NTHL1: variants seen among roughly 807,000 people sequenced by gnomAD.
The protein encoded by NTHL1 is endonuclease III-like protein 1.
Under a neutral mutation model 32.3 loss-of-function variants are expected in NTHL1, and 32 were observed. The ratio of observed to expected loss-of-function variants is 0.99; its 90% CI spans 0.75 to 1.33. The LOEUF (loss-of-function observed/expected upper bound fraction) is 1.33. NTHL1 is among the 40% of genes most tolerant of loss of function. NTHL1 has a pLI of 0.00. For missense variants in NTHL1, 501 were observed against 414.1 expected (o/e 1.21, Z -1.82); for synonymous variants, 188 against 176.9 (o/e 1.06, Z -0.50).
At chr16:2,042,057 C>T (rs932854934) in intron 4 of NTHL1, 5 of 455,922 alleles carry the variant, frequency 1.1e-5, no homozygotes, top group Non-Finnish European at 2.2e-5. Context: ...CCAGCCAGCT[C>T]TGACATTTTA....
intron 1 of NTHL1, among the ~76,000 whole-genome samples, chr16:2,046,611 A>G (rs576526590): frequency 1.9e-4 from 29 of 152,254 alleles, no homozygotes; most frequent in Admixed American, 7.2e-4. Context: ...TGCCCCCAAT[A>G]CATCTTCTAT....
Position 2,044,578 on chromosome 16 carries a change from G to A in NTHL1, c.525+52C>T. ...TCGCCACCCCCCTCAGCCTTCTGAG[G>A]TCTCTCTCAGGCCACTGCCACCCGG... On this transcript the variant is annotated intron_variant, in intron 3 of 5. Coordinates refer to ENST00000651570, the MANE Select transcript of NTHL1 (RefSeq NM_002528.7). The surrounding 1 kb of genome is among the most constrained non-coding windows in gnomAD (Gnocchi z 5.0). 1 of 1,595,054 alleles carries A rather than the reference G, an allele frequency of 6.3e-7. No individual in the cohort carries two copies. Among genetic ancestry groups the A allele is most frequent in the Non-Finnish European group, 8.5e-7 (1 of 1,178,038 alleles).
chr16:2,039,824 AAC>A lies in NTHL1; in HGVS notation c.*98_*99del, dbSNP rs2084234010. 1 of 1,549,348 alleles carries A rather than the reference AAC, an allele frequency of 6.5e-7. No individual in the cohort carries two copies. Among genetic ancestry groups the A allele is most frequent in the Admixed American group, 1.7e-5 (1 of 59,106 alleles). On this transcript the variant is annotated 3_prime_UTR_variant, in exon 6 of 6. Coordinates refer to ENST00000651570, the MANE Select transcript of NTHL1 (RefSeq NM_002528.7). Reference sequence around the variant, plus strand: ...AGACATCAGCCAGATCCCATCTGCAAACACACCAAAGCTTTATTCAACAGGCG... The same window carrying A: ...AGACATCAGCCAGATCCCATCTGCAAACACCAAAGCTTTATTCAACAGGCG...
chr16:2,040,205 C>G lies in NTHL1; in HGVS notation c.719G>C (p.Arg240Thr), dbSNP rs763365969. ...VDTHVHRIAN[R>T]LRWTKKATKS... Reference sequence around the variant, plus strand: ...GGTTGCCTTCTTGGTCCACCTCAGCCTGTTGGCGATTCTGTGCACATGCGT... The same window carrying G: ...GGTTGCCTTCTTGGTCCACCTCAGCGTGTTGGCGATTCTGTGCACATGCGT... Residue 240 changes from arginine (R) to threonine (T), a missense_variant, in exon 5 of 6, where the codon AGG becomes ACG. By Grantham distance (71) the Arg-to-Thr change is moderately conservative (BLOSUM62 -1). Coordinates refer to ENST00000651570, the MANE Select transcript of NTHL1 (RefSeq NM_002528.7). 1.9e-6 allele frequency: 3 copies of G among 1,613,930 alleles called. No individual in the cohort carries two copies.
At position 2,047,692 on chromosome 16, in the gene NTHL1, C is replaced by T. The variant is rs377258199; in HGVS notation, c.115+17G>A. On this transcript the variant is annotated intron_variant, in intron 1 of 5. Transcript: ENST00000651570. The stretch of plus-strand genomic sequence containing the variant: ...TATCCCGCCTCCTCCCACGCTCCAG[C>T]CACGGCGCGGCGCTACCTGCTGCAG... The T allele has an allele frequency of 1.1e-4, 175 of 1,567,668 alleles. 1 individual carries two copies. The East Asian group carries it at 3.1e-3, about 28-fold the overall frequency.
Position 2,044,831 on chromosome 16 carries a change from C to T in NTHL1, c.355-31G>A, listed in dbSNP as rs1457488859. 3.2e-6 allele frequency: 5 copies of T among 1,557,470 alleles called. No individual in the cohort carries two copies. Among genetic ancestry groups the T allele is most frequent in the Admixed American group, 1.9e-5 (1 of 53,384 alleles). Reference sequence around the variant, plus strand: ...TGTGCAGTGACAGGGACCGGGGTGGCGGCGGGTCCTGGGTGATTCCCTGGC... The same window carrying T: ...TGTGCAGTGACAGGGACCGGGGTGGTGGCGGGTCCTGGGTGATTCCCTGGC... On this transcript the variant is annotated intron_variant, in intron 2 of 5. Transcript: ENST00000651570. The surrounding 1 kb of genome is among the most constrained non-coding windows in gnomAD (Gnocchi z 5.0).
chr16:2,046,456 C>T (rs1318037890), intron 1 of NTHL1, 90 bp from the exon 2 acceptor site: 10 of 1,183,120 alleles, frequency 8.5e-6, no homozygotes, highest in African/African-American at 4.5e-5. Context: ...ACCCCTCACT[C>T]GTTCATGCCA....
In NTHL1 at chr16:2,046,018, C is replaced by T. The variant is rs1233789897; in HGVS notation, c.354+110G>A. On this transcript the variant is annotated intron_variant, in intron 2 of 5. Transcript: ENST00000651570. Reference sequence around the variant, plus strand: ...TCTGGGGCACCGGGTGTCCATCCTCCCAAGGTGCTGTCTGCAGGGGAGGGT... The same window carrying T: ...TCTGGGGCACCGGGTGTCCATCCTCTCAAGGTGCTGTCTGCAGGGGAGGGT... The T allele has an allele frequency of 4.7e-6, 4 of 844,622 alleles. No homozygotes were observed. The East Asian group carries it at 9.7e-5, about 21-fold the overall frequency. 52.3% of individuals were successfully genotyped at this position (844,622 alleles called of 1,614,324 possible). A position where few individuals can be genotyped will look rare whatever the true frequency, so the allele number is the denominator to read the frequency against.
chr16:2,047,597 C>G, intron 1 of NTHL1, 112 bp downstream of exon 1: 1 of 1,430,224 alleles, frequency 7.0e-7, no homozygotes, highest in Admixed American at 2.6e-5. Flanking sequence ...TCGCGGCTGC[C>G]GGGTTTGCAG....
intron 4 of NTHL1, 164 bp from the exon 5 acceptor site, chr16:2,040,402 C>G: frequency 1.4e-6 from 1 of 709,588 alleles, no homozygotes; most frequent in South Asian, 1.5e-5. Flanking sequence ...CTTGGCTGCC[C>G]CTGAGGTGCT....
Position 2,040,228 on chromosome 16 carries a change from C to T in NTHL1, c.696G>A (p.Thr232=), listed in dbSNP as rs560239348. The T allele has an allele frequency of 1.1e-5, 18 of 1,613,608 alleles. No homozygotes were observed. The highest frequency in any genetic ancestry group is 1.6e-4 in the Middle Eastern group (1 of 6,062). Reference sequence around the variant, plus strand: ...GCCTGTTGGCGATTCTGTGCACATGCGTGTCCACTGCTGCTGGGAGGCCAA... The same window carrying T: ...GCCTGTTGGCGATTCTGTGCACATGTGTGTCCACTGCTGCTGGGAGGCCAA... ...WGTVSGIAVD[T]HVHRIANRLR... The change falls in exon 5 of 6, where the codon ACG becomes ACA. Residue 232 remains threonine, a synonymous_variant. Transcript: ENST00000651570.
chr16:2,043,649 G>A lies in NTHL1; in HGVS notation c.603C>T (p.Ala201=), dbSNP rs747289981. Residue 201 remains alanine, a synonymous_variant, in exon 4 of 6, where the codon GCC becomes GCT. Coordinates refer to ENST00000651570, the MANE Select transcript of NTHL1 (RefSeq NM_002528.7). The surrounding 1 kb of genome is among the most constrained non-coding windows in gnomAD (Gnocchi z 4.4). ...HYGGDIPASV[A]ELVALPGVGP... is the part of the protein sequence containing the mutation. ...CAACACCCGGCAGCGCCACCAGCTC[G>A]GCCACAGAGGCTGGGATGTCCCCAC... 9 of 1,611,638 alleles carry A rather than the reference G, an allele frequency of 5.6e-6. No individual in the cohort carries two copies. The highest frequency in any genetic ancestry group is 1.6e-4 in the Middle Eastern group (1 of 6,082).
chr16:2,045,078 C>T (rs944385994), intron 2 of NTHL1, among the ~76,000 whole-genome samples: 1 of 152,114 alleles, frequency 6.6e-6, no homozygotes, highest in African/African-American at 2.4e-5. Context: ...GGCTCGCACC[C>T]GTCATCCCAG....
In NTHL1 at chr16:2,046,349, T is replaced by C; in HGVS notation, c.133A>G (p.Ser45Gly). ...GCTTTCCGCGGACGCTTCACGGGGC[T>C]GTGGCTTTTCCTCGCTTCTGCAAAA... is the stretch of plus-strand genomic sequence containing the variant. ...EAAAEARKSH[S>G]PVKRPRKAQR... Residue 45 changes from serine to glycine, a missense_variant, in exon 2 of 6, where the codon AGC becomes GGC. By Grantham distance (56) the Ser-to-Gly change is moderately conservative. Transcript: ENST00000651570. 1 of 1,606,332 alleles carries C rather than the reference T, an allele frequency of 6.2e-7. No individual in the cohort carries two copies. Among genetic ancestry groups the C allele is most frequent in the African/African-American group, 1.3e-5 (1 of 74,932 alleles).
chr16:2,041,909 C>T (rs2084272881), intron 4 of NTHL1: 1 of 391,154 alleles, frequency 2.6e-6, no homozygotes, highest in Admixed American at 3.0e-5. Context: ...CGCCTGGCCA[C>T]ACCCGGCTAA....
intron 1 of NTHL1, chr16:2,047,504 G>A (rs897308617): frequency 1.5e-5 from 12 of 812,514 alleles, no homozygotes; most frequent in African/African-American, 1.8e-5. Flanking sequence ...GCGGAGCGGA[G>A]CGCCCGAAAC....
rs1056384358 is a variant in NTHL1 at position 2,043,439 on chromosome 16, G to A, written c.685+128C>T. ...GGGCTGGCCTGGCTCCACCCTGGGA[G>A]CACCTTTCTGACTCTATGGGCTGGG... is the stretch of plus-strand genomic sequence containing the variant. On this transcript the variant is annotated intron_variant, in intron 4 of 5. Transcript: ENST00000651570. The surrounding 1 kb of genome is among the most constrained non-coding windows in gnomAD (Gnocchi z 4.4). 6.7e-6 allele frequency: 9 copies of A among 1,341,018 alleles called. No individual in the cohort carries two copies. The highest frequency in any genetic ancestry group is 4.3e-5 in the African/African-American group (3 of 69,650). The allele number at this position is 1,341,018 out of a possible 1,614,324, so 83.1% of individuals were successfully genotyped here. A position where few individuals can be genotyped will look rare whatever the true frequency, so the allele number is the denominator to read the frequency against.
Position 2,043,889 on chromosome 16 carries a change from A to T in NTHL1, c.526-163T>A. 1.3e-6 allele frequency: 1 copy of T among 783,866 alleles called. No homozygotes were observed. Among genetic ancestry groups the T allele is most frequent in the Non-Finnish European group, 2.1e-6 (1 of 480,900 alleles). The allele number at this position is 783,866 out of a possible 1,614,324, so 48.6% of individuals were successfully genotyped here. A position where few individuals can be genotyped will look rare whatever the true frequency, so the allele number is the denominator to read the frequency against. On this transcript the variant is annotated intron_variant, in intron 3 of 5. Transcript: ENST00000651570. The surrounding 1 kb of genome is among the most constrained non-coding windows in gnomAD (Gnocchi z 4.4). ...CAGGAGGCGGGAACAAGCGGAGGGC[A>T]GCAGGGAGGCCCAAGGTAGGCCTGA...
At position 2,043,019 on chromosome 16, in the gene NTHL1, C is replaced by T. The variant is rs2150940701; in HGVS notation, c.685+548G>A. ...ACCTGCTGAGGGGATACTCTTCCTC[C>T]TCCCTCCTCAGTCCTTACCTCCCCA... On this transcript the variant is annotated intron_variant, in intron 4 of 5. Coordinates refer to ENST00000651570, the MANE Select transcript of NTHL1 (RefSeq NM_002528.7). This position sits in a 1 kb window ranked among gnomAD's most constrained non-coding sequence, Gnocchi z 4.4. Among the ~76,000 whole-genome samples, 1 of 137,372 alleles carries T rather than the reference C, an allele frequency of 7.3e-6. No individual in the cohort carries two copies. Among genetic ancestry groups the T allele is most frequent in the South Asian group, 2.5e-4 (1 of 3,946 alleles). The allele number at this position is 137,372 out of a possible 152,430, so 90.1% of individuals were successfully genotyped here.
Sources: allele counts gnomAD v4.1 joint callset (sites outside exome capture counted in the v4.1 genomes callset), GRCh38; gene constraint gnomAD v4.1.1; non-coding constraint Gnocchi (gnomAD v3.1); transcripts MANE v1.5; gene names NCBI Gene and HGNC (gene_info 2026-07-23, HGNC 2026-07-21).